SAFB2: variants seen among roughly 807,000 people sequenced by gnomAD.
SAFB2 encodes the protein scaffold attachment factor B2.
In SAFB2, 32 loss-of-function variants were observed where a neutral mutation model predicts 100.6. The ratio of observed to expected loss-of-function variants is 0.32; its 90% CI spans 0.24 to 0.43. The LOEUF (loss-of-function observed/expected upper bound fraction) is 0.43. Ranked by LOEUF, SAFB2 falls within the 20% of genes least tolerant of loss-of-function variation. The pLI, the probability that SAFB2 is intolerant of heterozygous loss-of-function variation, is 1.00. For synonymous variants in SAFB2, 500 were observed against 439.4 expected (o/e 1.14, Z -1.72); for missense variants, 1,185 against 1,163.4 (o/e 1.02, Z -0.27).
chr19:5,593,348 ATCT>A (rs1192999647), intron 15 of SAFB2, among the ~76,000 whole-genome samples: 1 of 152,204 alleles, frequency 6.6e-6, no homozygotes, highest in African/African-American at 2.4e-5. Flanking sequence ...GCATCCAATT[ATCT>A]TCTTCCTGAT....
Position 5,621,391 on chromosome 19 carries a change from A to C in SAFB2, c.192T>G (p.Val64=). ...CATCAGGATCTTGCCCCTCTTCTTT[A>C]ACCGCCTATTAGGGAGAGATGAGTT... ...SVLMERLKKA[V]KEEGQDPDEI... is the part of the protein sequence containing the mutation. The change falls in exon 2 of 21, where the codon GTT becomes GTG. Residue 64 remains valine (V), a synonymous_variant. Transcript: ENST00000252542. 6.2e-7 allele frequency: 1 copy of C among 1,608,592 alleles called. No individual in the cohort carries two copies. The highest frequency in any genetic ancestry group is 2.2e-5 in the East Asian group (1 of 44,864).
chr19:5,600,080 C>G (rs527565590), intron 12 of SAFB2, 50 bp downstream of exon 12: 2 of 1,580,874 alleles, frequency 1.3e-6, no homozygotes, highest in Non-Finnish European at 1.7e-6. Context: ...CCCCACTCCC[C>G]ACCCGTGCCA....
In SAFB2 at chr19:5,622,653, G is replaced by A. The variant is rs755681302; in HGVS notation, c.63C>T (p.Gly21=). 9 of 1,609,366 alleles carry A rather than the reference G, an allele frequency of 5.6e-6. No individual in the cohort carries two copies. In the South Asian group the frequency reaches 9.9e-5, roughly 18 times the overall value. Residue 21 remains glycine, a synonymous_variant, in exon 1 of 21, where the codon GGC becomes GGT. Transcript: ENST00000252542. ...GCCGCCTCGTCCCAGTCTCCGCAAC[G>A]CCCGGGCCGAGAGAAGCCGTGCCAG... ...SGPGTASLGP[G]VAETGTRRLS...
At chr19:5,619,881 A>G (rs907170009) in intron 2 of SAFB2, among the ~76,000 whole-genome samples, 3 of 152,098 alleles carry the variant, frequency 2.0e-5, no homozygotes, top group African/African-American at 7.2e-5. Flanking sequence ...AATTCCTGCT[A>G]AAAGCCAAGG....
rs750047685 is a variant in SAFB2, at chr19:5,621,404, G to A, written c.187-8C>T. On this transcript the variant is annotated splice_polypyrimidine_tract_variant and splice_region_variant and intron_variant, in intron 1 of 20. Transcript: ENST00000252542. ...CCCCTCTTCTTTAACCGCCTATTAGGGAGAGATGAGTTTTACAACATCATT... is the reference window on the plus strand; with the variant it reads ...CCCCTCTTCTTTAACCGCCTATTAGAGAGAGATGAGTTTTACAACATCATT... 1.9e-6 allele frequency: 3 copies of A among 1,578,810 alleles called. No homozygotes were observed. The highest frequency in any genetic ancestry group is 1.3e-5 in the African/African-American group (1 of 74,218).
intron 1 of SAFB2, 113 bp downstream of exon 1, chr19:5,622,417 G>C: frequency 8.6e-7 from 1 of 1,157,926 alleles, no homozygotes; most frequent in Non-Finnish European, 1.2e-6. Flanking sequence ...ACCGGGGTCG[G>C]CCAAGACGCG....
Position 5,600,164 on chromosome 19 carries a change from G to A in SAFB2, c.1656C>T (p.Pro552=), listed in dbSNP as rs142407160. The A allele has an allele frequency of 5.0e-4, 807 of 1,613,990 alleles. 3 individuals are homozygous for A. In the African/African-American group the frequency reaches 9.1e-3, roughly 18 times the overall value. Residue 552 remains proline, a synonymous_variant, in exon 12 of 21, where the codon CCC becomes CCT. Coordinates refer to ENST00000252542, the MANE Select transcript of SAFB2 (RefSeq NM_014649.3). ...TGACTCTAGACCGATTTGTAGGTCCGGGTTTCAGCTCATCCTGGTCTTTTT... is the reference window on the plus strand; with the variant it reads ...TGACTCTAGACCGATTTGTAGGTCCAGGTTTCAGCTCATCCTGGTCTTTTT... ...KEEKDQDELK[P]GPTNRSRVTK...
At chr19:5,618,868 ACATGGCAT>A in intron 2 of SAFB2, among the ~76,000 whole-genome samples, 1 of 152,318 alleles carries the variant, frequency 6.6e-6, no homozygotes, top group South Asian at 2.1e-4. Flanking sequence ...CTTTAATCCC[ACATGGCAT>A]CTAAAACTTA....
chr19:5,588,144 G>A (rs1310223716), intron 18 of SAFB2, among the ~76,000 whole-genome samples, 164 bp from the exon 19 acceptor site: 4 of 152,148 alleles, frequency 2.6e-5, no homozygotes, highest in Non-Finnish European at 5.9e-5. Flanking sequence ...CCCAAAGACA[G>A]ATGTGCTAGT....
intron 13 of SAFB2, 42 bp from the exon 14 acceptor site, chr19:5,595,539 G>T: frequency 6.2e-7 from 1 of 1,606,698 alleles, no homozygotes; most frequent in Non-Finnish European, 8.5e-7. Flanking sequence ...GAAAATGATT[G>T]CAACAAACAA....
Position 5,612,910 on chromosome 19 carries a change from G to GA in SAFB2, c.607-344dup, listed in dbSNP as rs1246175901. Among the ~76,000 whole-genome samples the GA allele has an allele frequency of 2.6e-5, 4 of 152,028 alleles. 1 individual carries two copies. The highest frequency in any genetic ancestry group is 5.9e-5 in the Non-Finnish European group (4 of 67,986). ...AGAGAAGAGGTCACAGTGGATTTAA[G>GA]AAAAAAATACTTCTCCCAACATAAA... On this transcript the variant is annotated intron_variant, in intron 5 of 20. Coordinates refer to ENST00000252542, the MANE Select transcript of SAFB2 (RefSeq NM_014649.3).
At chr19:5,591,545 T>G (rs1026196877) in intron 17 of SAFB2, 1 of 541,880 alleles carries the variant, frequency 1.8e-6, no homozygotes, top group African/African-American at 1.9e-5. Flanking sequence ...CCCAAAGTGC[T>G]GGGATTACAG....
chr19:5,592,631 A>G lies in SAFB2; in HGVS notation c.2348+116T>C, dbSNP rs148178037. 1,390 of 1,181,746 alleles carry G rather than the reference A, an allele frequency of 1.2e-3. 11 individuals are homozygous for G. In the East Asian group the frequency reaches 0.012, roughly 11 times the overall value. 73.2% of individuals were successfully genotyped at this position (1,181,746 alleles called of 1,614,324 possible). On this transcript the variant is annotated intron_variant, in intron 16 of 20. Transcript: ENST00000252542. Reference sequence around the variant, plus strand: ...CAGAGTCATCCACTGTGGATCTCAGAAGTAAACGAGGCTTCAGAGCACACA... The same window carrying G: ...CAGAGTCATCCACTGTGGATCTCAGGAGTAAACGAGGCTTCAGAGCACACA...
chr19:5,596,905 A>G (rs1177179683), intron 13 of SAFB2, among the ~76,000 whole-genome samples: 1 of 152,178 alleles, frequency 6.6e-6, no homozygotes, highest in African/African-American at 2.4e-5. Flanking sequence ...GAGCAATGAA[A>G]AACAAACCAA....
At chr19:5,606,559 C>G (rs1436802323) in intron 9 of SAFB2, among the ~76,000 whole-genome samples, 1 of 151,874 alleles carries the variant, frequency 6.6e-6, no homozygotes, top group Non-Finnish European at 1.5e-5. Context: ...CCCGGGAGCT[C>G]GAGGCTGCAG....
chr19:5,614,121 T>C, intron 4 of SAFB2, among the ~76,000 whole-genome samples: 1 of 152,126 alleles, frequency 6.6e-6, no homozygotes, highest in East Asian at 1.9e-4. Flanking sequence ...GCCCGGCTAA[T>C]TTTTTGTATG....
At chr19:5,598,655 C>T in intron 13 of SAFB2, 138 bp downstream of exon 13, 2 of 694,546 alleles carry the variant, frequency 2.9e-6, no homozygotes, top group East Asian at 2.8e-5. Context: ...TCTGTATCCG[C>T]AATCTACACA....
chr19:5,593,910 T>G lies in SAFB2; in HGVS notation c.2188A>C (p.Arg730=). The G allele has an allele frequency of 6.6e-7, 1 of 1,518,864 alleles. No individual in the cohort carries two copies. Among genetic ancestry groups the G allele is most frequent in the Non-Finnish European group, 8.7e-7 (1 of 1,145,580 alleles). 94.1% of individuals were successfully genotyped at this position (1,518,864 alleles called of 1,614,324 possible). ...ACTCACCGGTCCAGGTCGTAGGGCCTCCGCCCGGGCCGCCGCTCCTGCTCG... is the reference window on the plus strand; with the variant it reads ...ACTCACCGGTCCAGGTCGTAGGGCCGCCGCCCGGGCCGCCGCTCCTGCTCG... ...RYEQERRPGR[R]PYDLDRRDDA... Residue 730 remains arginine, a synonymous_variant, in exon 15 of 21, where the codon AGG becomes CGG. Transcript: ENST00000252542.
Position 5,616,264 on chromosome 19 carries a change from A to G in SAFB2, c.411T>C (p.Thr137=), listed in dbSNP as rs753107421. 2.5e-5 allele frequency: 40 copies of G among 1,614,168 alleles called. No individual in the cohort carries two copies. Among genetic ancestry groups the G allele is most frequent in the Middle Eastern group, 1.6e-4 (1 of 6,062 alleles). ...CTGGAGCACTGCTATTCGCCACTTC[A>G]GTTTCGTCTAGCACACTCATGTCCA... ...GMMDMSVLDE[T]EVANSSAPDF... Residue 137 remains threonine (T), a synonymous_variant, in exon 4 of 21, where the codon ACT becomes ACC. Transcript: ENST00000252542.
Sources: allele counts gnomAD v4.1 joint callset (sites outside exome capture counted in the v4.1 genomes callset), GRCh38; gene constraint gnomAD v4.1.1; transcripts MANE v1.5; gene names NCBI Gene and HGNC (gene_info 2026-07-23, HGNC 2026-07-21).